DPP10: variants seen among roughly 807,000 people sequenced by gnomAD.
DPP10 encodes the protein inactive dipeptidyl peptidase 10.
In DPP10, 33 loss-of-function variants were observed where a neutral mutation model predicts 120.9. That is an observed-to-expected ratio of 0.27 (90% CI 0.21 to 0.37). The LOEUF is 0.37. Among genes scored for constraint, DPP10 ranks in the 10% least tolerant of loss-of-function variants. The pLI, the probability that DPP10 is intolerant of heterozygous loss-of-function variation, is 1.00. For missense variants in DPP10, 816 were observed against 942.8 expected (o/e 0.87, Z 1.76); for synonymous variants, 337 against 326.1 (o/e 1.03, Z -0.36).
intron 1 of DPP10, among the ~76,000 whole-genome samples, chr2:114,967,195 A>T (rs1283153800): frequency 6.6e-6 from 1 of 152,118 alleles, no homozygotes; most frequent in African/African-American, 2.4e-5. Flanking sequence ...TTATTTTAAT[A>T]AAAAAAATCT....
At chr2:114,597,918 T>C (rs931073354) in intron 1 of DPP10, among the ~76,000 whole-genome samples, 1 of 151,946 alleles carries the variant, frequency 6.6e-6, no homozygotes, top group Admixed American at 6.6e-5. Flanking sequence ...ACCACACCAA[T>C]ATCTTTGTAT....
rs143353532 is a variant in DPP10 at position 114,518,850 on chromosome 2, T to G, written c.60+76012T>G. On this transcript the variant is annotated intron_variant, in intron 1 of 25. Transcript: ENST00000410059. ...ATCTAATTGTGTGACCCTTTGCCAG[T>G]CAGCTCAGCTTTTCAAACTGTGTTT... Among the ~76,000 whole-genome samples the G allele has an allele frequency of 7.2e-5, 11 of 152,372 alleles. No homozygotes were observed. In the East Asian group the frequency reaches 1.9e-3, roughly 27 times the overall value.
At chr2:115,734,114 A>G (rs1045846017) in intron 8 of DPP10, among the ~76,000 whole-genome samples, 3 of 152,176 alleles carry the variant, frequency 2.0e-5, no homozygotes, top group Non-Finnish European at 4.4e-5. Context: ...AAGGCTCTCT[A>G]TATGATTATT....
chr2:115,175,190 G>A (rs1231133172), intron 1 of DPP10, among the ~76,000 whole-genome samples: 1 of 152,172 alleles, frequency 6.6e-6, no homozygotes, highest in Non-Finnish European at 1.5e-5. Flanking sequence ...ATCTGTGACT[G>A]TCAGTGCTCT....
chr2:114,661,904 T>G (rs1401215445), intron 1 of DPP10, among the ~76,000 whole-genome samples: 1 of 151,920 alleles, frequency 6.6e-6, no homozygotes, highest in Non-Finnish European at 1.5e-5. Flanking sequence ...TGATACACAA[T>G]GAGCCCAGGG....
At chr2:114,737,224 C>G (rs1677529395) in intron 1 of DPP10, among the ~76,000 whole-genome samples, 1 of 152,146 alleles carries the variant, frequency 6.6e-6, no homozygotes. Context: ...TACAAGCAGA[C>G]ACATCTCCAA....
intron 5 of DPP10, among the ~76,000 whole-genome samples, chr2:115,538,843 T>TAA (rs2079020471): frequency 6.6e-6 from 1 of 151,946 alleles, no homozygotes; most frequent in Non-Finnish European, 1.5e-5. Context: ...CAAATTGAGG[T>TAA]AAAAATTGTA....
intron 3 of DPP10, among the ~76,000 whole-genome samples, chr2:115,476,513 G>A (rs1160231304): frequency 1.3e-5 from 2 of 152,168 alleles, no homozygotes; most frequent in Admixed American, 1.3e-4. Flanking sequence ...GAGAGCCAAT[G>A]CATCACATGG....
chr2:115,615,689 T>A (rs2084441627), intron 5 of DPP10, among the ~76,000 whole-genome samples: 1 of 152,182 alleles, frequency 6.6e-6, no homozygotes, highest in Non-Finnish European at 1.5e-5. Context: ...CTGTTTAATA[T>A]GATTGCAATT....
chr2:115,802,502 A>G (rs2149978792), intron 19 of DPP10, among the ~76,000 whole-genome samples: 1 of 152,054 alleles, frequency 6.6e-6, no homozygotes, highest in East Asian at 1.9e-4. Flanking sequence ...TTGCTTTTCT[A>G]GTTCTTTTAA....
At chr2:115,511,721 TCTTCTTC>T (rs1367585279) in intron 4 of DPP10, among the ~76,000 whole-genome samples, 4 of 128,528 alleles carry the variant, frequency 3.1e-5, no homozygotes, top group African/African-American at 9.5e-5. Context: ...TTCTTCTTCT[TCTTCTTC>T]TTCTTTTTTT....
chr2:115,514,319 C>T (rs539802286), intron 4 of DPP10, among the ~76,000 whole-genome samples: 6 of 151,632 alleles, frequency 4.0e-5, no homozygotes, highest in African/African-American at 9.6e-5. Flanking sequence ...TTTATCAAAT[C>T]GAGAAGGTTG....
intron 1 of DPP10, among the ~76,000 whole-genome samples, chr2:114,989,398 C>G (rs906269101): frequency 1.3e-5 from 2 of 151,994 alleles, no homozygotes; most frequent in Non-Finnish European, 2.9e-5. Context: ...AGGAAGTGAA[C>G]GGTGCTCCAA....
At chr2:115,117,203 A>T (rs2049559815) in intron 1 of DPP10, among the ~76,000 whole-genome samples, 3 of 152,188 alleles carry the variant, frequency 2.0e-5, no homozygotes, top group Admixed American at 2.0e-4. Flanking sequence ...CAAAGAGTAG[A>T]TTATTTAGCC....
chr2:114,645,063 G>C (rs969507802), intron 1 of DPP10, among the ~76,000 whole-genome samples: 1 of 150,564 alleles, frequency 6.6e-6, no homozygotes, highest in African/African-American at 2.5e-5. Context: ...GCCAAATTAA[G>C]ACATTTAGCA....
At chr2:114,804,138 G>GC (rs1168494064) in intron 1 of DPP10, among the ~76,000 whole-genome samples, 1 of 152,338 alleles carries the variant, frequency 6.6e-6, no homozygotes, top group Non-Finnish European at 1.5e-5. Context: ...GAGGGTGGAA[G>GC]CCCCAAGCCT....
intron 1 of DPP10, among the ~76,000 whole-genome samples, chr2:114,716,407 C>G (rs1240921784): frequency 6.6e-6 from 1 of 152,146 alleles, no homozygotes; most frequent in African/African-American, 2.4e-5. Context: ...CTTTCTTAGT[C>G]TTCCACATCT....
At chr2:114,777,215 G>A (rs564259007) in intron 1 of DPP10, among the ~76,000 whole-genome samples, 2 of 152,170 alleles carry the variant, frequency 1.3e-5, no homozygotes, top group East Asian at 3.9e-4. Context: ...TAAGAAAAGA[G>A]TACAGGAAGA....
intron 5 of DPP10, among the ~76,000 whole-genome samples, chr2:115,538,917 CATG>C (rs1298876301): frequency 1.1e-4 from 16 of 151,852 alleles, no homozygotes; most frequent in Non-Finnish European, 1.9e-4. Flanking sequence ...GTATCATATT[CATG>C]ATATGTTTAA....
Sources: allele counts gnomAD v4.1 joint callset (sites outside exome capture counted in the v4.1 genomes callset), GRCh38; gene constraint gnomAD v4.1.1; transcripts MANE v1.5; gene names NCBI Gene and HGNC (gene_info 2026-07-23, HGNC 2026-07-21).